The following SHTN1 variants were observed in gnomAD, a reference collection of about 807,000 sequenced individuals.
SHTN1 encodes shootin 1.
In SHTN1, 42 loss-of-function variants were observed where a neutral mutation model predicts 83.1. The observed-to-expected ratio is 0.51, with a 90% CI of 0.39 to 0.65. SHTN1 has a LOEUF of 0.65. Ranked by LOEUF, SHTN1 falls within the 30% of genes least tolerant of loss-of-function variation. SHTN1 has a pLI of 0.00. For synonymous variants in SHTN1, 224 were observed against 247.7 expected (o/e 0.90, Z 0.90); for missense variants, 622 against 737.8 (o/e 0.84, Z 1.82).
chr10:117,060,843 C>T (rs752849928), intron 1 of SHTN1, among the ~76,000 whole-genome samples: 1 of 152,078 alleles, frequency 6.6e-6, no homozygotes, highest in Non-Finnish European at 1.5e-5. Context: ...GTCGGAAAAG[C>T]GAGAGGAAAG....
intron 9 of SHTN1, among the ~76,000 whole-genome samples, chr10:116,939,047 A>C (rs1849271303): frequency 6.6e-6 from 1 of 152,232 alleles, no homozygotes; most frequent in South Asian, 2.1e-4. Flanking sequence ...GGTTGACCTC[A>C]GACTGCTGTG....
chr10:117,040,655 T>C (rs926712077), intron 2 of SHTN1, among the ~76,000 whole-genome samples: 2 of 152,188 alleles, frequency 1.3e-5, no homozygotes, highest in African/African-American at 2.4e-5. Flanking sequence ...CATTTTTTAA[T>C]AGAATGCATA....
At position 116,884,196 on chromosome 10, in the gene SHTN1, C is replaced by T. The variant is rs1469359594; in HGVS notation, c.*2148G>A. On this transcript the variant is annotated 3_prime_UTR_variant, in exon 17 of 17. Transcript: ENST00000355371. ...TGTGTGTGCAATAGCTATGAACATACCTTGCAGATATAAGCACGGTTCTCC... is the reference window on the plus strand; with the variant it reads ...TGTGTGTGCAATAGCTATGAACATATCTTGCAGATATAAGCACGGTTCTCC... 4.4e-6 allele frequency: 2 copies of T among 456,778 alleles called. No individual in the cohort carries two copies. Among genetic ancestry groups the T allele is most frequent in the South Asian group, 1.5e-5 (1 of 64,562 alleles). The allele number at this position is 456,778 out of a possible 1,614,324, so 28.3% of individuals were successfully genotyped here.
At chr10:117,009,340 T>C (rs532941597), upstream of SHTN1, among the ~76,000 whole-genome samples, 44 of 152,230 alleles carry the variant, frequency 2.9e-4, no homozygotes, top group Non-Finnish European at 5.1e-4. Context: ...TAAATGAAGA[T>C]GGCTTAAACT....
chr10:116,968,873 T>C (rs1274825173), intron 2 of SHTN1, among the ~76,000 whole-genome samples, 161 bp from the exon 3 acceptor site: 1 of 152,234 alleles, frequency 6.6e-6, no homozygotes. Flanking sequence ...CTTGCACTGC[T>C]CAGCCAGCAT....
intron 1 of SHTN1, among the ~76,000 whole-genome samples, chr10:116,989,147 A>G (rs1373536372): frequency 6.6e-6 from 1 of 152,198 alleles, no homozygotes; most frequent in Admixed American, 6.5e-5. Context: ...ATGTAAGCAG[A>G]ATTATTATAT....
chr10:116,987,919 C>A (rs2576439), intron 1 of SHTN1, among the ~76,000 whole-genome samples: 140,149 of 150,790 alleles, frequency 0.93, 65,416 homozygotes, highest in Middle Eastern at 0.98. Context: ...CTCAAAAAAA[C>A]AAACAAACAA....
chr10:117,037,639 C>A (rs575541032), intron 2 of SHTN1, among the ~76,000 whole-genome samples: 1 of 152,118 alleles, frequency 6.6e-6, no homozygotes, highest in Admixed American at 6.6e-5. Context: ...ACTGACACTA[C>A]CCAGCTTTAA....
At chr10:116,981,749 C>T (rs1354752935) in intron 1 of SHTN1, among the ~76,000 whole-genome samples, 2 of 152,030 alleles carry the variant, frequency 1.3e-5, no homozygotes, top group Non-Finnish European at 2.9e-5. Flanking sequence ...ACAGAATGAA[C>T]AATAAAGGCT....
chr10:116,999,512 T>C (rs2133534720), intron 1 of SHTN1, among the ~76,000 whole-genome samples: 1 of 152,320 alleles, frequency 6.6e-6, no homozygotes, highest in Non-Finnish European at 1.5e-5. Flanking sequence ...AGGAGAGTGA[T>C]AATGAAATAA....
chr10:117,046,203 A>G (rs1200142378), intron 2 of SHTN1, among the ~76,000 whole-genome samples: 4 of 152,106 alleles, frequency 2.6e-5, no homozygotes, highest in African/African-American at 9.7e-5. Context: ...CACAAAAACT[A>G]TACCTAGACA....
chr10:117,009,031 C>G (rs1022331346), upstream of SHTN1, among the ~76,000 whole-genome samples: 3 of 152,164 alleles, frequency 2.0e-5, no homozygotes, highest in Admixed American at 2.0e-4. Flanking sequence ...AGGAGAATCA[C>G]TTGAACTCAG....
upstream of SHTN1, chr10:117,005,209 C>A: frequency 6.6e-7 from 1 of 1,504,218 alleles, no homozygotes. Flanking sequence ...CGCTCCCGCT[C>A]CTCCTCCTCC....
upstream of SHTN1, among the ~76,000 whole-genome samples, chr10:117,009,835 G>A (rs2133554953): frequency 6.6e-6 from 1 of 152,102 alleles, no homozygotes; most frequent in South Asian, 2.1e-4. Flanking sequence ...CCCGGAAGGC[G>A]GAGCTTGCAA....
chr10:116,930,615 T>C (rs1276800785), intron 9 of SHTN1, among the ~76,000 whole-genome samples: 1 of 152,224 alleles, frequency 6.6e-6, no homozygotes, highest in African/African-American at 2.4e-5. Flanking sequence ...CCAGATTTTC[T>C]TTATCCAGTC....
intron 1 of SHTN1, among the ~76,000 whole-genome samples, chr10:117,074,717 T>A (rs1233869848): frequency 6.6e-6 from 1 of 152,194 alleles, no homozygotes; most frequent in Non-Finnish European, 1.5e-5. Flanking sequence ...GAACTGAGAC[T>A]AGGAACAGGA....
In SHTN1 at chr10:117,054,406, CT is replaced by C. The variant is rs1214269438; in HGVS notation, c.-188-5897del. Among the ~76,000 whole-genome samples, 1,146 of 138,394 alleles carry C rather than the reference CT, an allele frequency of 8.3e-3. 29 individuals are homozygous for C. In the East Asian group the frequency reaches 0.13, roughly 15 times the overall value. 90.8% of individuals were successfully genotyped at this position (138,394 alleles called of 152,430 possible). A position where few individuals can be genotyped will look rare whatever the true frequency, so the allele number is the denominator to read the frequency against. On this transcript the variant is annotated intron_variant, in intron 1 of 17. Coordinates refer to the SHTN1 transcript ENST00000392901. ...GCTGACTCTGACATAGCATCCTTAT[CT>C]TTTTTTTTTTTTTTTTGAGATGGAG...
intron 5 of SHTN1, among the ~76,000 whole-genome samples, chr10:116,952,770 C>T (rs1167415457): frequency 1.3e-5 from 2 of 152,132 alleles, no homozygotes; most frequent in African/African-American, 2.4e-5. Flanking sequence ...GTTTTAACTG[C>T]CTTTAATTTC....
At chr10:117,107,342 C>T (rs1853685052) in intron 1 of SHTN1, among the ~76,000 whole-genome samples, 1 of 152,148 alleles carries the variant, frequency 6.6e-6, no homozygotes, top group Non-Finnish European at 1.5e-5. Context: ...TCCTCAGCAG[C>T]CTTTCCCTAA....
Sources: gnomAD v4.1 joint callset for allele counts (sites outside exome capture counted in the v4.1 genomes callset) on GRCh38, gnomAD v4.1.1 for gene constraint, MANE v1.5 for transcripts, NCBI Gene and HGNC (gene_info 2026-07-23, HGNC 2026-07-21) for gene names.